Variants in RBFOX1 observed in about 807,000 individuals in gnomAD.
RBFOX1 encodes the protein RNA binding fox-1 homolog 1, also known as RNA binding protein fox-1 homolog 1.
Under a neutral mutation model 57.7 loss-of-function variants are expected in RBFOX1, and 8 were observed. That is an observed-to-expected ratio of 0.14 (90% CI 0.08 to 0.25). The LOEUF is 0.25. Among genes scored for constraint, RBFOX1 ranks in the 10% least tolerant of loss-of-function variants. The pLI, the probability that RBFOX1 is intolerant of heterozygous loss-of-function variation, is 1.00. For missense variants in RBFOX1, 611 were observed against 548.5 expected, an observed-to-expected ratio of 1.11 and a Z score of -1.14; for synonymous variants, 326 against 222.4, an observed-to-expected ratio of 1.47 and a Z score of -4.15.
chr16:7,000,616 T>TTTTTTTTA (rs1485009773), intron 3 of RBFOX1, among the ~76,000 whole-genome samples: 1 of 140,944 alleles, frequency 7.1e-6, no homozygotes, highest in Admixed American at 7.0e-5. Context: ...TTTTTTTTTT[T>TTTTTTTTA]TGAGACAGAG....
intron 2 of RBFOX1, among the ~76,000 whole-genome samples, chr16:6,604,600 C>G (rs1202839664): frequency 1.3e-5 from 2 of 152,250 alleles, no homozygotes; most frequent in East Asian, 1.9e-4. Context: ...GTGGCAAGCT[C>G]TTAATTACTG....
At chr16:7,347,782 G>C (rs553284048) in intron 4 of RBFOX1, among the ~76,000 whole-genome samples, 4 of 152,288 alleles carry the variant, frequency 2.6e-5, no homozygotes, top group African/African-American at 7.2e-5. Flanking sequence ...AGACCCCCAT[G>C]TATTTGCAGC....
In RBFOX1 at chr16:5,275,233, G is replaced by A. The variant is rs147716913; in HGVS notation, c.219+35128G>A. Reference sequence around the variant, plus strand: ...TGAGATTTTGGTACATTTGTGCAATGAGTAATGATCAAATCAGGGTCTTTG... The same window carrying A: ...TGAGATTTTGGTACATTTGTGCAATAAGTAATGATCAAATCAGGGTCTTTG... On this transcript the variant is annotated intron_variant, in intron 1 of 2. Transcript: ENST00000585867. 3.7e-3 allele frequency among the ~76,000 whole-genome samples: 569 copies of A among 152,298 alleles called. 2 individuals carry two copies. Among genetic ancestry groups the A allele is most frequent in the African/African-American group, 0.013 (544 of 41,552 alleles).
At chr16:7,208,961 C>T (rs904192553) in intron 4 of RBFOX1, among the ~76,000 whole-genome samples, 1 of 152,038 alleles carries the variant, frequency 6.6e-6, no homozygotes. Flanking sequence ...GACCCATCTA[C>T]TCTTCACTTC....
chr16:7,664,846 A>G, intron 12 of RBFOX1, 83 bp from the exon 13 acceptor site: 1 of 1,612,212 alleles, frequency 6.2e-7, no homozygotes, highest in East Asian at 2.2e-5. Flanking sequence ...TGACCAGACT[A>G]ACCTCGCCAG....
chr16:5,813,444 G>A (rs2055507669), intron 3 of RBFOX1, among the ~76,000 whole-genome samples: 1 of 152,020 alleles, frequency 6.6e-6, no homozygotes, highest in Non-Finnish European at 1.5e-5. Context: ...GGTTTTATGT[G>A]GTCTATCTAT....
chr16:7,006,486 A>G (rs138676149), intron 3 of RBFOX1, among the ~76,000 whole-genome samples: 8 of 152,076 alleles, frequency 5.3e-5, no homozygotes, highest in Non-Finnish European at 7.4e-5. Context: ...CAGGGTGTCT[A>G]TTGGTCAGGC....
intron 11 of RBFOX1, among the ~76,000 whole-genome samples, chr16:7,642,559 T>C (rs1250659683): frequency 6.6e-6 from 1 of 152,230 alleles, no homozygotes; most frequent in Non-Finnish European, 1.5e-5. Flanking sequence ...CTTGCCCTGT[T>C]TCCTACCTGG....
chr16:5,642,382 T>A (rs1171476359), intron 3 of RBFOX1, among the ~76,000 whole-genome samples: 4 of 152,214 alleles, frequency 2.6e-5, no homozygotes, highest in Non-Finnish European at 5.9e-5. Flanking sequence ...CTTTCCAGGT[T>A]GATACGTCTT....
chr16:6,359,987 A>G (rs1283171972), intron 2 of RBFOX1, among the ~76,000 whole-genome samples: 2 of 152,216 alleles, frequency 1.3e-5, no homozygotes, highest in African/African-American at 4.8e-5. Context: ...ATTGTTAATT[A>G]GAGAATGTAG....
intron 2 of RBFOX1, among the ~76,000 whole-genome samples, chr16:6,555,719 C>G (rs904830354): frequency 1.3e-5 from 2 of 151,810 alleles, no homozygotes; most frequent in African/African-American, 4.8e-5. Context: ...CAAAACAAAA[C>G]AAACAAACAA....
At chr16:6,518,029 G>A (rs1279536289) in intron 2 of RBFOX1, among the ~76,000 whole-genome samples, 1 of 152,146 alleles carries the variant, frequency 6.6e-6, no homozygotes, top group Non-Finnish European at 1.5e-5. Flanking sequence ...TGACTCTGAA[G>A]TTCTTGTCTG....
intron 4 of RBFOX1, among the ~76,000 whole-genome samples, chr16:7,441,182 C>T (rs967842160): frequency 6.6e-5 from 10 of 152,172 alleles, no homozygotes; most frequent in Non-Finnish European, 1.3e-4. Flanking sequence ...CCAGGAAACT[C>T]AGGAAATTAA....
At chr16:7,624,344 A>G (rs2059755002) in intron 10 of RBFOX1, among the ~76,000 whole-genome samples, 1 of 152,262 alleles carries the variant, frequency 6.6e-6, no homozygotes, top group African/African-American at 2.4e-5. Flanking sequence ...ATCTAATAAA[A>G]ATTGTTCTCG....
chr16:6,501,951 T>G (rs1180521211), intron 2 of RBFOX1, among the ~76,000 whole-genome samples: 1 of 152,132 alleles, frequency 6.6e-6, no homozygotes, highest in African/African-American at 2.4e-5. Context: ...GTGAACAAAA[T>G]AGATAAGATT....
intron 2 of RBFOX1, among the ~76,000 whole-genome samples, chr16:6,444,211 C>A (rs184132975): frequency 1.3e-5 from 2 of 152,150 alleles, no homozygotes; most frequent in Non-Finnish European, 1.5e-5. Flanking sequence ...GTTGTAAATA[C>A]CACAAGAGCA....
At position 7,546,910 on chromosome 16, in the gene RBFOX1, G is replaced by A. The variant is rs187401741; in HGVS notation, c.270+28521G>A. Reference sequence around the variant, plus strand: ...GTTTCTGTAGGATAAATTCCCACAAGTAGAACTTCTGGGTCAAAGAGTAAA... The same window carrying A: ...GTTTCTGTAGGATAAATTCCCACAAATAGAACTTCTGGGTCAAAGAGTAAA... On this transcript the variant is annotated intron_variant, in intron 5 of 15. Coordinates refer to ENST00000550418, the MANE Select transcript of RBFOX1 (RefSeq NM_018723.4). 1.7e-3 allele frequency among the ~76,000 whole-genome samples: 257 copies of A among 152,248 alleles called. 3 individuals carry two copies. The highest frequency in any genetic ancestry group is 6.8e-3 in the Middle Eastern group (2 of 294).
Position 7,709,101 on chromosome 16 carries a change from T to C in RBFOX1, c.1041T>C (p.Ala347=). ...YAADPYHHAL[A]PAPTYGVGAM... The stretch of plus-strand genomic sequence containing the variant: ...CCGACCCCTACCACCACGCACTTGC[T>C]CCAGCCCCCACCTACGGCGTTGGTG... Residue 347 remains alanine, a synonymous_variant, in exon 15 of 16, where the codon GCT becomes GCC. Coordinates refer to ENST00000550418, the MANE Select transcript of RBFOX1 (RefSeq NM_018723.4). 2 of 1,613,798 alleles carry C rather than the reference T, an allele frequency of 1.2e-6. No homozygotes were observed. The highest frequency in any genetic ancestry group is 1.7e-6 in the Non-Finnish European group (2 of 1,179,810).
chr16:5,354,177 C>T (rs534129674), intron 1 of RBFOX1, among the ~76,000 whole-genome samples: 4 of 152,186 alleles, frequency 2.6e-5, no homozygotes, highest in South Asian at 2.1e-4. Context: ...GGTGCACTTG[C>T]GGGAGCTGTT....
Sources: gnomAD v4.1 joint callset for allele counts (sites outside exome capture counted in the v4.1 genomes callset) on GRCh38, gnomAD v4.1.1 for gene constraint, MANE v1.5 for transcripts, NCBI Gene and HGNC (gene_info 2026-07-23, HGNC 2026-07-21) for gene names.